Variants in DCP1A observed in about 807,000 individuals in gnomAD.
DCP1A encodes the protein mRNA-decapping enzyme 1A.
In DCP1A, 20 loss-of-function variants were observed where a neutral mutation model predicts 58.0. That is an observed-to-expected ratio of 0.34 (90% confidence interval 0.24 to 0.50). The LOEUF is 0.50. DCP1A is among the 20% of genes least tolerant of loss of function. DCP1A has a pLI of 0.98. For synonymous variants in DCP1A, 285 were observed against 275.1 expected, an observed-to-expected ratio of 1.04 and a Z score of -0.36; for missense variants, 613 against 712.2, an observed-to-expected ratio of 0.86 and a Z score of 1.59.
rs530304341 is a variant in DCP1A, at chr3:53,347,479, T to C, written c.39A>G (p.Leu13=). The C allele has an allele frequency of 4.5e-5, 73 of 1,613,478 alleles. No homozygotes were observed. The highest frequency in any genetic ancestry group is 1.2e-4 in the Admixed American group (7 of 60,000). The change falls in exon 1 of 10, where the codon CTA becomes CTG. Residue 13 remains leucine, a synonymous_variant. Transcript: ENST00000610213. ...AGGGGTCGTGTTGCTTCAGGGCCGC[T>C]AGGCTCATCTCCTGCCCAGCTCGAC... The part of the protein sequence containing the change: ...ALSRAGQEMS[L]AALKQHDPYI...
intron 1 of DCP1A, among the ~76,000 whole-genome samples, chr3:53,345,368 G>A (rs1470511294): frequency 6.6e-6 from 1 of 152,044 alleles, no homozygotes; most frequent in African/African-American, 2.4e-5. Context: ...TTTCTTATAG[G>A]ATACTTTGTT....
chr3:53,305,354 TC>T (rs1252535369), intron 5 of DCP1A, among the ~76,000 whole-genome samples: 29 of 152,108 alleles, frequency 1.9e-4, no homozygotes, highest in African/African-American at 6.5e-4. Flanking sequence ...AATTTTTTTT[TC>T]TTTTTTTTTT....
At chr3:53,291,603 G>A (rs1164089520) in intron 7 of DCP1A, among the ~76,000 whole-genome samples, 5 of 152,056 alleles carry the variant, frequency 3.3e-5, no homozygotes, top group African/African-American at 1.2e-4. Flanking sequence ...AGTCTGTAGA[G>A]ATAAGAGATC....
chr3:53,303,008 G>C (rs1707359355), intron 6 of DCP1A, among the ~76,000 whole-genome samples: 1 of 152,034 alleles, frequency 6.6e-6, no homozygotes, highest in Admixed American at 6.6e-5. Context: ...GAGTGCAGTG[G>C]TGTGATCATG....
intron 4 of DCP1A, among the ~76,000 whole-genome samples, chr3:53,316,080 A>C: frequency 6.6e-6 from 1 of 152,102 alleles, no homozygotes; most frequent in Non-Finnish European, 1.5e-5. Context: ...TTTTACTTGG[A>C]GGATCTTTAT....
chr3:53,305,026 G>A (rs1553687882), intron 5 of DCP1A, among the ~76,000 whole-genome samples: 5 of 152,066 alleles, frequency 3.3e-5, no homozygotes, highest in Non-Finnish European at 7.4e-5. Context: ...CTGTCCTGTT[G>A]CAGTCATGCC....
At position 53,292,343 on chromosome 3, in the gene DCP1A, G is replaced by A; in HGVS notation, c.1109C>T (p.Ala370Val). 6.8e-6 allele frequency: 11 copies of A among 1,612,678 alleles called. No homozygotes were observed. Among genetic ancestry groups the A allele is most frequent in the Non-Finnish European group, 9.3e-6 (11 of 1,178,818 alleles). ...TGGGGCCCTGAAGGGGCTCTGGTTG[G>A]CAATCAGACTGGCATGGCTTAGCTC... ...VPELSHASLI[A>V]NQSPFRAPLN... Residue 370 changes from alanine (A) to valine (V), a missense_variant, in exon 7 of 10, where the codon GCC (alanine) becomes GTC (valine). Around this residue, in one of 3 missense-constraint regions of DCP1A, gnomAD observed 498 missense variants for 556.7 expected, o/e 0.89. Coordinates refer to ENST00000610213, the MANE Select transcript of DCP1A (RefSeq NM_018403.7).
At chr3:53,334,954 T>C (rs1440584788) in intron 3 of DCP1A, among the ~76,000 whole-genome samples, 3 of 151,494 alleles carry the variant, frequency 2.0e-5, no homozygotes, top group African/African-American at 7.3e-5. Context: ...TATTCTTTTG[T>C]CTTCTAAACT....
At chr3:53,310,804 A>G (rs1707620894) in intron 5 of DCP1A, among the ~76,000 whole-genome samples, 2 of 152,340 alleles carry the variant, frequency 1.3e-5, no homozygotes, top group South Asian at 2.1e-4. Context: ...ATGGGCTCTC[A>G]TGTACATTTC....
intron 3 of DCP1A, among the ~76,000 whole-genome samples, chr3:53,336,690 G>C (rs974429411): frequency 3.3e-4 from 50 of 152,192 alleles, no homozygotes; most frequent in African/African-American, 1.2e-3. Context: ...AGATGCCGTA[G>C]AGTAATCACC....
intron 3 of DCP1A, among the ~76,000 whole-genome samples, chr3:53,334,921 T>C (rs2089084523): frequency 6.6e-6 from 1 of 151,746 alleles, no homozygotes; most frequent in Non-Finnish European, 1.5e-5. Flanking sequence ...GGTTTTTTTT[T>C]TTCTTCAGTC....
intron 6 of DCP1A, among the ~76,000 whole-genome samples, chr3:53,294,409 C>T (rs1203984462): frequency 1.3e-5 from 2 of 152,002 alleles, no homozygotes; most frequent in Admixed American, 1.3e-4. Context: ...GGTATCACTG[C>T]CTGGGCAGGC....
At chr3:53,342,383 CA>C in intron 2 of DCP1A, 112 bp from the exon 3 acceptor site, 1 of 815,088 alleles carries the variant, frequency 1.2e-6, no homozygotes, top group South Asian at 1.9e-5. Context: ...GAACATTATA[CA>C]ATATTATCAG....
intron 4 of DCP1A, among the ~76,000 whole-genome samples, chr3:53,313,201 C>G (rs1186071647): frequency 1.3e-5 from 2 of 152,156 alleles, no homozygotes; most frequent in African/African-American, 4.8e-5. Flanking sequence ...CCCTTATTCT[C>G]CCTTTTAAAA....
At chr3:53,314,710 C>T (rs1559693628) in intron 4 of DCP1A, among the ~76,000 whole-genome samples, 1 of 123,360 alleles carries the variant, frequency 8.1e-6, no homozygotes, top group Non-Finnish European at 1.6e-5. Context: ...CTTACTCTGT[C>T]ACCCGGGCTA....
chr3:53,287,337 GCTCT>G lies in DCP1A; in HGVS notation c.*239_*242del, dbSNP rs1176981810. On this transcript the variant is annotated 3_prime_UTR_variant, in exon 10 of 10. Coordinates refer to ENST00000610213, the MANE Select transcript of DCP1A (RefSeq NM_018403.7). Reference sequence around the variant, plus strand: ...ACCCACATAACTTAACACAATGATCGCTCTCTTTTTTTTTTTTTTTTTTTTTTTT... The same window carrying G: ...ACCCACATAACTTAACACAATGATCGCTTTTTTTTTTTTTTTTTTTTTTTT... 1.0e-5 allele frequency: 4 copies of G among 391,976 alleles called. No homozygotes were observed. The Admixed American group carries it at 1.4e-4, about 14-fold the overall frequency. 24.3% of individuals were successfully genotyped at this position (391,976 alleles called of 1,614,324 possible). A position where few individuals can be genotyped will look rare whatever the true frequency, so the allele number is the denominator to read the frequency against.
At chr3:53,302,186 G>A (rs1262890124) in intron 6 of DCP1A, among the ~76,000 whole-genome samples, 1 of 152,138 alleles carries the variant, frequency 6.6e-6, no homozygotes, top group African/African-American at 2.4e-5. Flanking sequence ...TTGTCATATC[G>A]TACTATATTT....
chr3:53,329,068 G>A (rs782536722), intron 3 of DCP1A: 8 of 313,686 alleles, frequency 2.6e-5, no homozygotes, highest in Non-Finnish European at 4.0e-5. Context: ...TTTCAGTGTG[G>A]AGGGAGAACT....
At chr3:53,332,587 G>C (rs570598194) in intron 3 of DCP1A, among the ~76,000 whole-genome samples, 1 of 151,854 alleles carries the variant, frequency 6.6e-6, no homozygotes, top group Non-Finnish European at 1.5e-5. Flanking sequence ...TTTCTAGGCC[G>C]GGCGCGGTGG....
Sources: gnomAD v4.1 joint callset for allele counts (sites outside exome capture counted in the v4.1 genomes callset) on GRCh38, gnomAD v4.1.1 for gene constraint, gnomAD v4.1.1 regional missense constraint, MANE v1.5 for transcripts, NCBI Gene and HGNC (gene_info 2026-07-23, HGNC 2026-07-21) for gene names.